The following PDZD2 variants were observed in gnomAD, a reference collection of about 807,000 sequenced individuals.
PDZD2 encodes PDZ domain containing 2.
PDZD2 carries 90 observed loss-of-function variants against 220.7 expected under a neutral mutation model. That is an observed-to-expected ratio of 0.41 (90% CI 0.34 to 0.49). The LOEUF (loss-of-function observed/expected upper bound fraction) is 0.49. Among genes scored for constraint, PDZD2 ranks in the 20% least tolerant of loss-of-function variants. The pLI is 0.28. For synonymous variants in PDZD2, 1,375 were observed against 1,450.5 expected (o/e 0.95, Z 1.18); for missense variants, 3,174 against 3,608.5 (o/e 0.88, Z 3.08).
intron 4 of PDZD2, among the ~76,000 whole-genome samples, 199 bp downstream of exon 4, chr5:31,995,917 G>A (rs1221042077): frequency 6.6e-6 from 1 of 152,192 alleles, no homozygotes. Context: ...GTGGCTAACT[G>A]CAGAAGATAT....
chr5:31,821,625 C>T (rs935160645), intron 2 of PDZD2, among the ~76,000 whole-genome samples: 11 of 152,094 alleles, frequency 7.2e-5, no homozygotes, highest in African/African-American at 2.4e-4. Flanking sequence ...GTGATCTACC[C>T]GCCTCGGCCT....
At chr5:31,966,853 C>A (rs1042802332) in intron 2 of PDZD2, among the ~76,000 whole-genome samples, 2 of 152,006 alleles carry the variant, frequency 1.3e-5, no homozygotes, top group Admixed American at 6.6e-5. Flanking sequence ...GGGGACTTGC[C>A]GGCCCCACCA....
intron 7 of PDZD2, among the ~76,000 whole-genome samples, chr5:32,047,235 AAC>A (rs1738063451): frequency 1.7e-5 from 2 of 116,104 alleles, no homozygotes; most frequent in African/African-American, 5.6e-5. Flanking sequence ...ATTTAAAAAA[AAC>A]AAATGAATAC....
chr5:31,969,584 C>CTAGAGA (rs1749108992), intron 2 of PDZD2, among the ~76,000 whole-genome samples: 1 of 141,122 alleles, frequency 7.1e-6, no homozygotes, highest in South Asian at 2.3e-4. Flanking sequence ...GTAAGTGGCT[C>CTAGAGA]TAGAGATAGA....
chr5:32,045,187 A>G (rs1436805310), intron 7 of PDZD2, among the ~76,000 whole-genome samples: 1 of 152,204 alleles, frequency 6.6e-6, no homozygotes, highest in Non-Finnish European at 1.5e-5. Context: ...CTGAGTTAGT[A>G]TTAAGTCATG....
chr5:31,867,397 TG>T (rs907745525), intron 2 of PDZD2, among the ~76,000 whole-genome samples: 1 of 151,828 alleles, frequency 6.6e-6, no homozygotes, highest in African/African-American at 2.4e-5. Flanking sequence ...TTGGGCTGGG[TG>T]AGTTAGTTAA....
intron 2 of PDZD2, among the ~76,000 whole-genome samples, chr5:31,881,336 G>A (rs1311981790): frequency 5.8e-5 from 7 of 120,900 alleles, no homozygotes; most frequent in African/African-American, 2.4e-4. Context: ...ATGTGTGTGT[G>A]TGTGTGTGTG....
At chr5:31,670,363 A>G (rs1489445513) in intron 1 of PDZD2, among the ~76,000 whole-genome samples, 2 of 152,186 alleles carry the variant, frequency 1.3e-5, no homozygotes, top group African/African-American at 2.4e-5. Context: ...GGAGGTAGCT[A>G]AACATTGGGG....
intron 2 of PDZD2, among the ~76,000 whole-genome samples, chr5:31,811,309 T>A (rs1206105621): frequency 6.6e-6 from 1 of 152,194 alleles, no homozygotes; most frequent in Non-Finnish European, 1.5e-5. Context: ...AATAACAATG[T>A]TGAATTATAT....
At chr5:31,854,829 G>T in intron 2 of PDZD2, 1 of 262,346 alleles carries the variant, frequency 3.8e-6, no homozygotes, top group Non-Finnish European at 5.9e-6. Flanking sequence ...GTGGGGTTTT[G>T]ACAAGTGAGC....
At position 32,098,514 on chromosome 5, in the gene PDZD2, G is replaced by A; in HGVS notation, c.8098G>A (p.Ala2700Thr). ...GCACCAGGCACAGCTGCACAAAGAT[G>A]CCCTCGTGGTCATCAAGAAAGGGAT... ...VLHQAQLHKD[A>T]LVVIKKGMDQ... Residue 2700 changes from alanine to threonine, a missense_variant, in exon 23 of 25, where the codon GCC becomes ACC. By Grantham distance (58) the Ala-to-Thr change is moderately conservative (BLOSUM62 0). This residue lies in a region of PDZD2 where 631 missense variants were observed against 789.9 expected (regional missense o/e 0.80). Coordinates refer to ENST00000438447, the MANE Select transcript of PDZD2 (RefSeq NM_178140.4). The surrounding 1 kb of genome is among the most constrained non-coding windows in gnomAD (Gnocchi z 4.1). The A allele has an allele frequency of 6.2e-7, 1 of 1,614,162 alleles. No individual in the cohort carries two copies.
intron 24 of PDZD2, among the ~76,000 whole-genome samples, chr5:32,101,961 G>GTCTC (rs556008665): frequency 1.3e-3 from 204 of 152,300 alleles, no homozygotes; most frequent in Non-Finnish European, 2.4e-3. Context: ...ATGTAACAGA[G>GTCTC]TAAGTAGGTC....
At chr5:31,948,540 A>G (rs918219199) in intron 2 of PDZD2, among the ~76,000 whole-genome samples, 4 of 152,230 alleles carry the variant, frequency 2.6e-5, no homozygotes, top group African/African-American at 4.8e-5. Flanking sequence ...AGTCTGTGGT[A>G]TAATAATTAA....
At chr5:31,648,859 A>G (rs1260696126) in intron 1 of PDZD2, among the ~76,000 whole-genome samples, 2 of 152,124 alleles carry the variant, frequency 1.3e-5, no homozygotes, top group African/African-American at 2.4e-5. Flanking sequence ...CCTCGAGTCC[A>G]TAGTTTACCT....
intron 4 of PDZD2, among the ~76,000 whole-genome samples, chr5:31,999,273 G>A (rs926107696): frequency 2.9e-4 from 30 of 104,568 alleles, no homozygotes; most frequent in African/African-American, 9.7e-4. Flanking sequence ...GGCGGGTGGC[G>A]GGATTTGTTT....
chr5:31,787,670 C>G (rs893363682), intron 1 of PDZD2: 1 of 152,072 alleles, frequency 6.6e-6, no homozygotes, highest in Non-Finnish European at 1.5e-5. Flanking sequence ...GATCTTGGGC[C>G]TGCCTTGATG....
intron 2 of PDZD2, among the ~76,000 whole-genome samples, chr5:31,866,098 C>G (rs951506666): frequency 1.3e-5 from 2 of 152,010 alleles, no homozygotes; most frequent in African/African-American, 4.8e-5. Flanking sequence ...GCCTCTCTGG[C>G]TCAAGCAGTT....
chr5:31,908,805 G>A, intron 2 of PDZD2: 1 of 667,496 alleles, frequency 1.5e-6, no homozygotes. Context: ...AGCACTTTGG[G>A]AGGCTGAGGC....
At chr5:32,003,662 TC>T (rs1451261746) in intron 5 of PDZD2, among the ~76,000 whole-genome samples, 6 of 152,200 alleles carry the variant, frequency 3.9e-5, no homozygotes, top group African/African-American at 1.4e-4. Context: ...AACCTGCATT[TC>T]TTGTGCTGAC....
Sources: allele counts gnomAD v4.1 joint callset (sites outside exome capture counted in the v4.1 genomes callset), GRCh38; gene constraint gnomAD v4.1.1; regional missense constraint gnomAD v4.1.1; non-coding constraint Gnocchi (gnomAD v3.1); transcripts MANE v1.5; gene names NCBI Gene and HGNC (gene_info 2026-07-23, HGNC 2026-07-21).